Variants in FAM222A observed in about 807,000 individuals in gnomAD.
The protein encoded by FAM222A is family with sequence similarity 222 member A.
Under a neutral mutation model 25.8 loss-of-function variants are expected in FAM222A, and 7 were observed. The observed-to-expected ratio is 0.27, with a 90% confidence interval of 0.15 to 0.51. The LOEUF (loss-of-function observed/expected upper bound fraction) is 0.51. Ranked by LOEUF, FAM222A falls within the 20% of genes least tolerant of loss-of-function variation. The pLI is 0.97. For synonymous variants in FAM222A, 294 were observed against 298.8 expected (o/e 0.98, Z 0.17); for missense variants, 573 against 640.5 (o/e 0.89, Z 1.14).
At chr12:109,715,843 C>T (rs757669622) in intron 1 of FAM222A, among the ~76,000 whole-genome samples, 1 of 152,220 alleles carries the variant, frequency 6.6e-6, no homozygotes, top group Non-Finnish European at 1.5e-5. Context: ...CTGAAGTTCC[C>T]AGGGTCCCCA....
chr12:109,731,720 C>T (rs1307311676), intron 1 of FAM222A, among the ~76,000 whole-genome samples: 1 of 152,162 alleles, frequency 6.6e-6, no homozygotes, highest in East Asian at 1.9e-4. Flanking sequence ...AGCCCTGCCC[C>T]TCTGCCCACC....
chr12:109,768,196 C>T lies in FAM222A; in HGVS notation c.267C>T (p.Tyr89=), dbSNP rs1889115087. ...VNGYDTSGQR[Y]SPYPQHTAGY... ...GCTATGACACCAGTGGCCAGCGCTA[C>T]AGCCCCTACCCACAGCACACCGCTG... Residue 89 remains tyrosine, a synonymous_variant, in exon 3 of 3, where the codon TAC becomes TAT. Transcript: ENST00000538780. 6.2e-7 allele frequency: 1 copy of T among 1,613,342 alleles called. No individual in the cohort carries two copies. Among genetic ancestry groups the T allele is most frequent in the Non-Finnish European group, 8.5e-7 (1 of 1,179,908 alleles).
chr12:109,750,281 CACA>C (rs1425234971), intron 2 of FAM222A, among the ~76,000 whole-genome samples: 2 of 152,100 alleles, frequency 1.3e-5, no homozygotes, highest in East Asian at 1.9e-4. Flanking sequence ...TTTTTCTCTC[CACA>C]ACATTTTCTT....
rs573612907 is a variant in FAM222A, at chr12:109,768,674, G to T, written c.745G>T (p.Gly249Cys). 2 of 1,593,984 alleles carry T rather than the reference G, an allele frequency of 1.3e-6. No individual in the cohort carries two copies. Among genetic ancestry groups the T allele is most frequent in the East Asian group, 4.5e-5 (2 of 44,482 alleles). The change falls in exon 3 of 3, where the codon GGT (glycine) becomes TGT (cysteine). Residue 249 changes from glycine (G) to cysteine (C), a missense_variant. Physicochemically the swap from Gly to Cys is radical, Grantham distance 159. This residue lies in a region of FAM222A where 412 missense variants were observed against 407.0 expected (regional missense o/e 1.01). Transcript: ENST00000538780. Reference sequence around the variant, plus strand: ...CAGCATGGCCTACTCGGCTGCAGCCGGTCTGCCCGACTGCCGGAAAGGCAC... The same window carrying T: ...CAGCATGGCCTACTCGGCTGCAGCCTGTCTGCCCGACTGCCGGAAAGGCAC... Reference protein sequence around the residue: ...FPSMAYSAAAGLPDCRKGTEL... With the variant: ...FPSMAYSAAACLPDCRKGTEL...
At chr12:109,755,717 A>G (rs992622262) in intron 2 of FAM222A, among the ~76,000 whole-genome samples, 1 of 152,220 alleles carries the variant, frequency 6.6e-6, no homozygotes, top group Non-Finnish European at 1.5e-5. Context: ...CTGTCCCAAC[A>G]TTTGTTGAAG....
At chr12:109,721,252 AG>A (rs1887739548) in intron 1 of FAM222A, among the ~76,000 whole-genome samples, 1 of 152,150 alleles carries the variant, frequency 6.6e-6, no homozygotes. Context: ...ACTGCCTGTA[AG>A]GGTACTGGGC....
In FAM222A at chr12:109,769,096, G is replaced by C. The variant is rs142924061; in HGVS notation, c.1167G>C (p.Ser389=). 1.2e-6 allele frequency: 2 copies of C among 1,608,194 alleles called. No homozygotes were observed. Among genetic ancestry groups the C allele is most frequent in the Admixed American group, 3.4e-5 (2 of 59,500 alleles). ...ELAGPPADAL[S]GLPSKSVCNT... Reference sequence around the variant, plus strand: ...CTGGGCCCCCTGCAGATGCCCTCTCGGGCCTGCCCAGCAAGAGTGTGTGCA... The same window carrying C: ...CTGGGCCCCCTGCAGATGCCCTCTCCGGCCTGCCCAGCAAGAGTGTGTGCA... The change falls in exon 3 of 3, where the codon TCG becomes TCC. Residue 389 remains serine, a synonymous_variant. Transcript: ENST00000538780.
intron 2 of FAM222A, among the ~76,000 whole-genome samples, chr12:109,755,478 G>A (rs780493306): frequency 4.6e-5 from 7 of 151,396 alleles, no homozygotes; most frequent in Admixed American, 2.0e-4. Context: ...GCAGGCATGC[G>A]CCACCATGGC....
chr12:109,744,117 C>T lies in FAM222A; in HGVS notation c.-30C>T, dbSNP rs1301625120. On this transcript the variant is annotated 5_prime_UTR_variant, in exon 2 of 3. Transcript: ENST00000538780. ...CTCCTGCAGGGACCCAGTCGCAGAG[C>T]GCACCCCACTGGGGACCCCCAGCTC... is the stretch of plus-strand genomic sequence containing the variant. The T allele has an allele frequency of 6.2e-6, 10 of 1,608,058 alleles. No individual in the cohort carries two copies. Among genetic ancestry groups the T allele is most frequent in the Middle Eastern group, 1.7e-4 (1 of 5,870 alleles).
chr12:109,731,646 A>G (rs989064012), intron 1 of FAM222A, among the ~76,000 whole-genome samples: 2 of 152,014 alleles, frequency 1.3e-5, no homozygotes, highest in South Asian at 2.1e-4. Context: ...TGGAGCCTCA[A>G]TGACACAGGC....
At chr12:109,728,973 TAAA>T (rs57626981) in intron 1 of FAM222A, among the ~76,000 whole-genome samples, 1 of 147,762 alleles carries the variant, frequency 6.8e-6, no homozygotes, top group South Asian at 2.1e-4. Flanking sequence ...GGGTTACAGG[TAAA>T]AAAAAAAAAG....
intron 1 of FAM222A, among the ~76,000 whole-genome samples, chr12:109,724,154 C>T (rs1887799730): frequency 6.6e-6 from 1 of 152,228 alleles, no homozygotes; most frequent in Admixed American, 6.5e-5. Context: ...ACAGCCTCAG[C>T]AAACTGCTGG....
intron 2 of FAM222A, 48 bp from the exon 3 acceptor site, chr12:109,767,964 G>A: frequency 6.3e-7 from 1 of 1,576,654 alleles, no homozygotes; most frequent in Non-Finnish European, 8.6e-7. Context: ...GTGGGGAGAG[G>A]TTGGCATGGC....
rs2136394862 is a variant in FAM222A, at chr12:109,769,275, C to T, written c.1346C>T (p.Pro449Leu). 6.2e-7 allele frequency: 1 copy of T among 1,609,978 alleles called. No homozygotes were observed. The highest frequency in any genetic ancestry group is 1.1e-5 in the South Asian group (1 of 90,446). ...CACCAGCATGCCCACATCCGCCTAC[C>T]CGTCTACAGATAAGGCCTGCCCTGC... Reference protein sequence around the residue: ...LDHQHAHIRLPVYR With the variant: ...LDHQHAHIRLLVYR The change falls in exon 3 of 3, where the codon CCC (proline) becomes CTC (leucine). Residue 449 changes from proline (P) to leucine (L), a missense_variant. By Grantham distance (98) the Pro-to-Leu change is moderately conservative. Transcript: ENST00000538780.
intron 1 of FAM222A, among the ~76,000 whole-genome samples, chr12:109,716,259 C>T (rs1887643077): frequency 1.3e-5 from 2 of 152,292 alleles, no homozygotes; most frequent in South Asian, 4.1e-4. Context: ...CGTCTAGGTC[C>T]CTTCCAGCAA....
At chr12:109,729,273 A>T (rs1327067406) in intron 1 of FAM222A, among the ~76,000 whole-genome samples, 1 of 152,208 alleles carries the variant, frequency 6.6e-6, no homozygotes, top group African/African-American at 2.4e-5. Flanking sequence ...ATAAGTTTTT[A>T]AATGCAGCAA....
chr12:109,753,975 G>A (rs1888639021), intron 2 of FAM222A, among the ~76,000 whole-genome samples: 1 of 152,248 alleles, frequency 6.6e-6, no homozygotes, highest in Non-Finnish European at 1.5e-5. Flanking sequence ...AAGCCTGCAA[G>A]AGGACAGAGG....
intron 1 of FAM222A, among the ~76,000 whole-genome samples, chr12:109,740,753 A>G (rs1888217643): frequency 6.6e-6 from 1 of 152,192 alleles, no homozygotes; most frequent in Non-Finnish European, 1.5e-5. Flanking sequence ...GGCACTGGGG[A>G]GAGACAGACA....
chr12:109,727,672 G>A (rs553211597), intron 1 of FAM222A, among the ~76,000 whole-genome samples: 1 of 152,182 alleles, frequency 6.6e-6, no homozygotes, highest in Non-Finnish European at 1.5e-5. Context: ...ATGGGGTGGG[G>A]ATGTGGCCGA....
Sources: gnomAD v4.1 joint callset for allele counts (sites outside exome capture counted in the v4.1 genomes callset) on GRCh38, gnomAD v4.1.1 for gene constraint, gnomAD v4.1.1 regional missense constraint, MANE v1.5 for transcripts, NCBI Gene and HGNC (gene_info 2026-07-23, HGNC 2026-07-21) for gene names.